The following RYR2 variants were observed in gnomAD, a reference collection of about 807,000 sequenced individuals.
The protein encoded by RYR2 is ryanodine receptor 2.
Under a neutral mutation model 601.1 loss-of-function variants are expected in RYR2, and 227 were observed. That is an observed-to-expected ratio of 0.38 (90% confidence interval 0.34 to 0.42). The LOEUF (loss-of-function observed/expected upper bound fraction) is 0.42. RYR2 is among the 10% of genes least tolerant of loss of function. The pLI, the probability that RYR2 is intolerant of heterozygous loss-of-function variation, is 1.00. For missense variants in RYR2, 4,646 were observed against 6,156.5 expected (o/e 0.75, Z 8.21); for synonymous variants, 2,223 against 2,175.1 (o/e 1.02, Z -0.61).
At chr1:237,114,058 C>T (rs1669798853) in intron 1 of RYR2, among the ~76,000 whole-genome samples, 1 of 152,152 alleles carries the variant, frequency 6.6e-6, no homozygotes, top group Middle Eastern at 3.2e-3. Context: ...GGTGCAGAGA[C>T]TTTCATTTCG....
At chr1:237,774,471 G>C (rs1694503249) in intron 87 of RYR2, among the ~76,000 whole-genome samples, 1 of 152,076 alleles carries the variant, frequency 6.6e-6, no homozygotes, top group Non-Finnish European at 1.5e-5. Flanking sequence ...GTGCTGTAGA[G>C]GTAGGAAGAC....
At chr1:237,066,243 C>T (rs1368230629) in intron 1 of RYR2, among the ~76,000 whole-genome samples, 1 of 152,184 alleles carries the variant, frequency 6.6e-6, no homozygotes, top group East Asian at 1.9e-4. Flanking sequence ...TTTTGTAAGA[C>T]ATCTTGGTCG....
chr1:237,791,170 A>G (rs1056177012), intron 92 of RYR2, among the ~76,000 whole-genome samples: 6 of 152,090 alleles, frequency 3.9e-5, no homozygotes, highest in Admixed American at 2.0e-4. Context: ...TCCTAACCCG[A>G]TGTAGTTTTC....
chr1:237,217,172 G>A (rs908483087), intron 1 of RYR2, among the ~76,000 whole-genome samples: 4 of 152,168 alleles, frequency 2.6e-5, no homozygotes, highest in Non-Finnish European at 4.4e-5. Flanking sequence ...AGTATCATGG[G>A]TAGAGAAGTA....
At chr1:237,341,785 T>A (rs1697824584) in intron 3 of RYR2, 1 of 408,904 alleles carries the variant, frequency 2.4e-6, no homozygotes, top group Non-Finnish European at 4.9e-6. Flanking sequence ...TTTTGTCTGT[T>A]AAATACAGCT....
intron 1 of RYR2, among the ~76,000 whole-genome samples, chr1:237,252,449 C>T (rs943050137): frequency 1.2e-4 from 18 of 152,092 alleles, no homozygotes; most frequent in African/African-American, 4.1e-4. Context: ...ATCCTTCAGC[C>T]CTGTCGTTAG....
At chr1:237,114,489 A>T (rs1669842331) in intron 1 of RYR2, among the ~76,000 whole-genome samples, 1 of 152,214 alleles carries the variant, frequency 6.6e-6, no homozygotes. Flanking sequence ...AGTACAGTAT[A>T]AAATATTTGA....
chr1:237,617,349 G>A lies in RYR2; in HGVS notation c.5779G>A (p.Ala1927Thr). ...QVRHRIEAIV[A>T]FSDDFVAKLQ... ...CCGGCACCGGATAGAAGCCATTGTAGCCTTTTCAGATGATTTTGTGGCTAA... is the reference window on the plus strand; with the variant it reads ...CCGGCACCGGATAGAAGCCATTGTAACCTTTTCAGATGATTTTGTGGCTAA... The change falls in exon 38 of 105, where the codon GCC becomes ACC. Residue 1927 changes from alanine (A) to threonine (T), a missense_variant. By Grantham distance (58) the Ala-to-Thr change is moderately conservative (BLOSUM62 0). This residue lies in a region of RYR2 where 1,807 missense variants were observed against 2,088.1 expected (regional missense o/e 0.87). Transcript: ENST00000366574. 6.2e-7 allele frequency: 1 copy of A among 1,613,930 alleles called. No individual in the cohort carries two copies. Among genetic ancestry groups the A allele is most frequent in the Non-Finnish European group, 8.5e-7 (1 of 1,179,856 alleles).
At chr1:237,113,212 T>TTTTATC (rs1337171255) in intron 1 of RYR2, among the ~76,000 whole-genome samples, 2 of 151,970 alleles carry the variant, frequency 1.3e-5, no homozygotes, top group African/African-American at 4.8e-5. Flanking sequence ...TTATTTTTAT[T>TTTTATC]TTTTGAGATG....
chr1:237,132,478 G>A (rs1672268730), intron 1 of RYR2, among the ~76,000 whole-genome samples: 1 of 152,166 alleles, frequency 6.6e-6, no homozygotes, highest in Non-Finnish European at 1.5e-5. Flanking sequence ...ATTTCATTGT[G>A]GGCTAATTTG....
chr1:237,373,556 T>G (rs1441689026), intron 6 of RYR2, among the ~76,000 whole-genome samples: 1 of 152,222 alleles, frequency 6.6e-6, no homozygotes, highest in Non-Finnish European at 1.5e-5. Flanking sequence ...ACCACATTCG[T>G]CTTTGTATCT....
In RYR2 at chr1:237,264,119, G is replaced by A. The variant is rs148861764; in HGVS notation, c.49-6378G>A. On this transcript the variant is annotated intron_variant, in intron 1 of 104. Transcript: ENST00000366574. ...CACACACACACACACACACACACAG[G>A]TGCATACACATAGGCTTTCCCATAA... Among the ~76,000 whole-genome samples, 691 of 113,200 alleles carry A rather than the reference G, an allele frequency of 6.1e-3. 5 individuals are homozygous for A. The highest frequency in any genetic ancestry group is 0.01 in the Non-Finnish European group (515 of 50,936). The allele number at this position is 113,200 out of a possible 152,430, so 74.3% of individuals were successfully genotyped here.
intron 1 of RYR2, among the ~76,000 whole-genome samples, chr1:237,266,011 C>T (rs969330776): frequency 6.6e-6 from 1 of 152,070 alleles, no homozygotes; most frequent in East Asian, 1.9e-4. Flanking sequence ...TTTGTTTCTT[C>T]ATGTTTGTTT....
At chr1:237,387,003 A>G (rs1474818059) in intron 8 of RYR2, among the ~76,000 whole-genome samples, 1 of 152,252 alleles carries the variant, frequency 6.6e-6, no homozygotes, top group African/African-American at 2.4e-5. Flanking sequence ...CAAAAATAGT[A>G]TCTTGTTACA....
chr1:237,831,599 A>T (rs1288897734), intron 104 of RYR2, 34 bp downstream of exon 104: 1 of 1,273,826 alleles, frequency 7.9e-7, no homozygotes, highest in East Asian at 2.3e-5. Context: ...CTTCTGAAAG[A>T]AATGATAGAG....
At chr1:237,699,982 T>TTA (rs1213472940) in intron 64 of RYR2, among the ~76,000 whole-genome samples, 25 of 152,344 alleles carry the variant, frequency 1.6e-4, no homozygotes, top group Admixed American at 6.5e-4. Flanking sequence ...GCATACAGCA[T>TTA]TAGCACAGAC....
rs1678309402 is a variant in RYR2 at position 237,614,983 on chromosome 1, A to G, written c.5715+140A>G. The G allele has an allele frequency of 1.1e-6, 1 of 874,030 alleles. No homozygotes were observed. Among genetic ancestry groups the G allele is most frequent in the Admixed American group, 3.0e-5 (1 of 32,792 alleles). The allele number at this position is 874,030 out of a possible 1,614,324, so 54.1% of individuals were successfully genotyped here. ...TGGTAGTTCTTCATAAAATTAACTAACTTCCTATTCTTTTCCCTCTTATTC... is the reference window on the plus strand; with the variant it reads ...TGGTAGTTCTTCATAAAATTAACTAGCTTCCTATTCTTTTCCCTCTTATTC... On this transcript the variant is annotated intron_variant, in intron 37 of 104. Transcript: ENST00000366574. This position sits in a 1 kb window ranked among gnomAD's most constrained non-coding sequence, Gnocchi z 4.3.
In RYR2 at chr1:237,782,359, G is replaced by A. The variant is rs146388075; in HGVS notation, c.11962+713G>A. Reference sequence around the variant, plus strand: ...CTGCAAAATAGAAATGATAGATATTGATATGAGAATTCAGTGGAATCCTAT... The same window carrying A: ...CTGCAAAATAGAAATGATAGATATTAATATGAGAATTCAGTGGAATCCTAT... On this transcript the variant is annotated intron_variant, in intron 89 of 104. Coordinates refer to ENST00000366574, the MANE Select transcript of RYR2 (RefSeq NM_001035.3). Among the ~76,000 whole-genome samples, 163 of 152,110 alleles carry A rather than the reference G, an allele frequency of 1.1e-3. 1 individual carries two copies. The East Asian group carries it at 0.025, about 23-fold the overall frequency.
intron 42 of RYR2, 70 bp downstream of exon 42, chr1:237,631,611 AGATTTTTTTTTTTT>A: frequency 3.4e-6 from 1 of 292,578 alleles, no homozygotes; most frequent in Non-Finnish European, 5.7e-6. Flanking sequence ...TATAGAATGC[AGATTTTTTTTTTTT>A]TTTTTTTTTT....
Sources: gnomAD v4.1 joint callset for allele counts (sites outside exome capture counted in the v4.1 genomes callset) on GRCh38, gnomAD v4.1.1 for gene constraint, gnomAD v4.1.1 regional missense constraint, Gnocchi (gnomAD v3.1) non-coding constraint, MANE v1.5 for transcripts, NCBI Gene and HGNC (gene_info 2026-07-23, HGNC 2026-07-21) for gene names.